LHX8: variants seen among roughly 807,000 people sequenced by gnomAD.
LHX8 encodes the protein LIM/homeobox protein Lhx8.
LHX8 carries 12 observed loss-of-function variants against 40.3 expected under a neutral mutation model. The ratio of observed to expected loss-of-function variants is 0.30; its 90% CI spans 0.19 to 0.48. The LOEUF is 0.48. Among genes scored for constraint, LHX8 ranks in the 20% least tolerant of loss-of-function variants. The pLI is 0.99. For missense variants in LHX8, 344 were observed against 433.7 expected (o/e 0.79, Z 1.84); for synonymous variants, 179 against 162.0 (o/e 1.10, Z -0.80).
At chr1:75,180,904 T>C in the LHX8 span, among the ~76,000 whole-genome samples, 1 of 152,224 alleles carries the variant, frequency 6.6e-6, no homozygotes. Context: ...TTGATGTTGA[T>C]GCTATTCCTT....
Position 75,146,254 on chromosome 1 carries a change from T to A in LHX8, c.684+2306T>A, listed in dbSNP as rs186503035. ...CAAGACTATCTAGTCAGTACCTGCT[T>A]TGGACAGAGGAGAGTTAAAATGGAA... On this transcript the variant is annotated intron_variant, in intron 6 of 8. Coordinates refer to ENST00000356261, the MANE Select transcript of LHX8 (RefSeq NM_001256114.2). Among the ~76,000 whole-genome samples the A allele has an allele frequency of 2.4e-3, 368 of 152,164 alleles. 1 individual carries two copies. Among genetic ancestry groups the A allele is most frequent in the African/African-American group, 8.2e-3 (341 of 41,522 alleles).
At chr1:75,199,032 T>C in the LHX8 span, among the ~76,000 whole-genome samples, 1 of 152,244 alleles carries the variant, frequency 6.6e-6, no homozygotes, top group African/African-American at 2.4e-5. Flanking sequence ...TTGTTTAGGC[T>C]AAATGCAAAT....
chr1:75,135,017 AG>A, intron 1 of LHX8, 63 bp downstream of exon 1: 1 of 804,686 alleles, frequency 1.2e-6, no homozygotes, highest in Non-Finnish European at 1.5e-6. Context: ...GTGGGTCGGG[AG>A]GACTGGGCGG....
chr1:75,136,840 G>GGGGGGGGGGGT, intron 2 of LHX8, 151 bp downstream of exon 2: 5 of 448,626 alleles, frequency 1.1e-5, no homozygotes, highest in East Asian at 9.8e-5. Context: ...GGTGGGGTGG[G>GGGGGGGGGGGT]AAGCTTAGCT....
At chr1:75,142,352 C>T (rs1648338384) in intron 4 of LHX8, among the ~76,000 whole-genome samples, 1 of 152,024 alleles carries the variant, frequency 6.6e-6, no homozygotes, top group African/African-American at 2.4e-5. Context: ...AGGGCCACGA[C>T]TGTGATTGTG....
chr1:75,149,497 G>A (rs767139765), intron 7 of LHX8, among the ~76,000 whole-genome samples: 1 of 152,210 alleles, frequency 6.6e-6, no homozygotes, highest in Admixed American at 6.5e-5. Context: ...TGTTGTTGTT[G>A]TTGTTGTTTG....
upstream of LHX8, chr1:75,130,477 G>T: frequency 1.7e-6 from 1 of 583,762 alleles, no homozygotes. Context: ...GGTGTCCCGC[G>T]TGGAGCAGGC....
chr1:75,194,111 TA>T, the LHX8 span, among the ~76,000 whole-genome samples: 1 of 152,096 alleles, frequency 6.6e-6, no homozygotes, highest in Admixed American at 6.5e-5. Context: ...ATGAAACAAA[TA>T]AAAAACAGTT....
chr1:75,182,546 T>A, the LHX8 span, among the ~76,000 whole-genome samples: 1 of 152,040 alleles, frequency 6.6e-6, no homozygotes, highest in South Asian at 2.1e-4. Flanking sequence ...GTTAACTTTG[T>A]ATTTTTAGTA....
At chr1:75,160,555 G>C (rs1332730278) in intron 8 of LHX8, 2 of 460,028 alleles carry the variant, frequency 4.3e-6, no homozygotes, top group Non-Finnish European at 7.8e-6. Flanking sequence ...TCAGGGTGAA[G>C]TGCAGTGAAT....
At chr1:75,132,909 G>C (rs1361242716), upstream of LHX8, 1 of 152,112 alleles carries the variant, frequency 6.6e-6, no homozygotes, top group African/African-American at 2.4e-5. Flanking sequence ...TCGGAAGAGC[G>C]GTCTCCACAA....
At chr1:75,147,620 C>T (rs903420521) in intron 6 of LHX8, among the ~76,000 whole-genome samples, 1 of 152,172 alleles carries the variant, frequency 6.6e-6, no homozygotes, top group Non-Finnish European at 1.5e-5. Context: ...TTACCCACAT[C>T]CTATGCCTGT....
chr1:75,183,461 G>A, the LHX8 span, among the ~76,000 whole-genome samples: 1 of 151,576 alleles, frequency 6.6e-6, no homozygotes, highest in Non-Finnish European at 1.5e-5. Context: ...AGAAGAGATT[G>A]AGAGCCTATA....
intron 3 of LHX8, among the ~76,000 whole-genome samples, chr1:75,139,159 A>G (rs962659975): frequency 2.6e-4 from 39 of 152,148 alleles, no homozygotes; most frequent in African/African-American, 7.7e-4. Context: ...GTATGACAGG[A>G]GTTAGATGCA....
the LHX8 span, among the ~76,000 whole-genome samples, chr1:75,170,320 C>T: frequency 6.6e-6 from 1 of 152,156 alleles, no homozygotes; most frequent in South Asian, 2.1e-4. Context: ...GTAAGTGCCA[C>T]CCACTGGGCC....
intron 7 of LHX8, among the ~76,000 whole-genome samples, chr1:75,153,451 T>G (rs1427366820): frequency 4.6e-5 from 7 of 151,540 alleles, no homozygotes; most frequent in Non-Finnish European, 7.4e-5. Flanking sequence ...CTTGCTCTGT[T>G]GCCCAGGCTA....
chr1:75,155,228 C>T (rs1267023034), intron 7 of LHX8, among the ~76,000 whole-genome samples: 1 of 118,140 alleles, frequency 8.5e-6, no homozygotes, highest in Non-Finnish European at 1.7e-5. Flanking sequence ...AAGAAACACT[C>T]TCTTTTTTTT....
the LHX8 span, among the ~76,000 whole-genome samples, chr1:75,195,821 C>T: frequency 6.6e-6 from 1 of 151,936 alleles, no homozygotes; most frequent in Non-Finnish European, 1.5e-5. Flanking sequence ...TTCCTGATGC[C>T]TTTAATATCT....
intron 6 of LHX8, among the ~76,000 whole-genome samples, chr1:75,147,861 T>C (rs977565946): frequency 3.3e-5 from 5 of 152,194 alleles, no homozygotes; most frequent in Admixed American, 1.3e-4. Context: ...TATCTTTTAT[T>C]ATAGGTAGTC....
Sources: gnomAD v4.1 joint callset for allele counts (sites outside exome capture counted in the v4.1 genomes callset) on GRCh38, gnomAD v4.1.1 for gene constraint, MANE v1.5 for transcripts, NCBI Gene and HGNC (gene_info 2026-07-23, HGNC 2026-07-21) for gene names.